CPEB1: variants seen among roughly 807,000 people sequenced by gnomAD.
CPEB1 encodes cytoplasmic polyadenylation element-binding protein 1.
A neutral mutation model predicts 65.8 loss-of-function variants in CPEB1; 7 were observed. That is an observed-to-expected ratio of 0.11 (90% confidence interval 0.06 to 0.20). The LOEUF is 0.20. Among genes scored for constraint, CPEB1 ranks in the 10% least tolerant of loss-of-function variants. The probability of loss-of-function intolerance (pLI) is 1.00; values close to 1 mark genes in which losing one functional copy is unlikely to be tolerated. For missense variants in CPEB1, 551 were observed against 712.2 expected (o/e 0.77, Z 2.58); for synonymous variants, 262 against 260.0 (o/e 1.01, Z -0.08).
chr15:82,586,242 AC>A (rs1491221343), intron 3 of CPEB1, among the ~76,000 whole-genome samples: 1 of 148,728 alleles, frequency 6.7e-6, no homozygotes. Context: ...TTTTTCAGAT[AC>A]AAAAAAAAAA....
intron 3 of CPEB1, among the ~76,000 whole-genome samples, chr15:82,614,443 G>A (rs1277623228): frequency 6.6e-6 from 1 of 152,074 alleles, no homozygotes; most frequent in Non-Finnish European, 1.5e-5. Flanking sequence ...ACTAGTCCAA[G>A]AATTAAACAA....
chr15:82,595,637 A>G (rs748451106), intron 3 of CPEB1, among the ~76,000 whole-genome samples: 33 of 152,260 alleles, frequency 2.2e-4, no homozygotes, highest in Non-Finnish European at 3.7e-4. Context: ...AATGCTAGAC[A>G]ATCAGCTCAA....
chr15:82,591,061 TTG>T (rs2042213938), intron 3 of CPEB1, among the ~76,000 whole-genome samples: 2 of 152,360 alleles, frequency 1.3e-5, no homozygotes, highest in African/African-American at 4.8e-5. Context: ...TGAATGGAAG[TTG>T]TGTTTTTAGC....
intron 3 of CPEB1, among the ~76,000 whole-genome samples, chr15:82,607,162 A>ATATCTTATCT (rs143880675): frequency 6.6e-6 from 1 of 151,400 alleles, no homozygotes; most frequent in African/African-American, 2.4e-5. Flanking sequence ...TGGCAGGTGT[A>ATATCTTATCT]TATCTTATCA....
At chr15:82,630,200 T>A in intron 1 of CPEB1, 1 of 571,886 alleles carries the variant, frequency 1.7e-6, no homozygotes, top group Non-Finnish European at 2.2e-6. Context: ...GCCTCCTGAG[T>A]AGCTGAGACT....
chr15:82,603,528 C>A (rs2043295470), intron 3 of CPEB1, among the ~76,000 whole-genome samples: 1 of 115,308 alleles, frequency 8.7e-6, no homozygotes, highest in Non-Finnish European at 1.7e-5. Flanking sequence ...GGCTAACCTG[C>A]ATGCTTGAAA....
intron 3 of CPEB1, among the ~76,000 whole-genome samples, chr15:82,615,987 A>G (rs960097460): frequency 6.6e-6 from 1 of 152,260 alleles, no homozygotes; most frequent in Non-Finnish European, 1.5e-5. Flanking sequence ...AATATTGTAT[A>G]TATTTATGTA....
At position 82,554,252 on chromosome 15, in the gene CPEB1, A is replaced by AT. The variant is rs1333752128; in HGVS notation, c.941-262dup. Among the ~76,000 whole-genome samples the AT allele has an allele frequency of 2.6e-5, 4 of 152,150 alleles. No homozygotes were observed. The East Asian group carries it at 7.7e-4, about 29-fold the overall frequency. ...ACCAAACCAGATGTGTAGGGTAAAA[A>AT]TTTACACCCCATGTTATTTTCAAAC... On this transcript the variant is annotated intron_variant, in intron 6 of 12. Transcript: ENST00000684509.
At chr15:82,614,617 G>T (rs1283882377) in intron 3 of CPEB1, among the ~76,000 whole-genome samples, 5 of 152,008 alleles carry the variant, frequency 3.3e-5, no homozygotes. Flanking sequence ...GCCTTTTTCA[G>T]CTTAGGCACC....
In CPEB1 at chr15:82,548,547, G is replaced by C. The variant is rs56144034; in HGVS notation, c.1480+913C>G. 2,533 of 310,662 alleles carry C rather than the reference G, an allele frequency of 8.2e-3. 21 individuals carry two copies. The highest frequency in any genetic ancestry group is 8.0e-3 in the Non-Finnish European group (1,226 of 153,830). 19.2% of individuals were successfully genotyped at this position (310,662 alleles called of 1,614,324 possible). A position where few individuals can be genotyped will look rare whatever the true frequency, so the allele number is the denominator to read the frequency against. On this transcript the variant is annotated intron_variant, in intron 10 of 12. Transcript: ENST00000684509. ...GAAGGAAAGATAAGGGACTCCTTCA[G>C]TGCAGGTAGAGCATAGGTTAAGGTT...
intron 3 of CPEB1, among the ~76,000 whole-genome samples, chr15:82,608,562 T>C (rs2043843510): frequency 6.6e-6 from 1 of 152,204 alleles, no homozygotes; most frequent in Non-Finnish European, 1.5e-5. Flanking sequence ...ACAAAGAATG[T>C]TGTTCTTACC....
chr15:82,633,218 A>T (rs2046400506), intron 1 of CPEB1: 1 of 152,250 alleles, frequency 6.6e-6, no homozygotes, highest in Admixed American at 6.5e-5. Context: ...ATTACTTGGC[A>T]ATGCTGTAAA....
chr15:82,543,469 A>ATTT lies in CPEB1; in HGVS notation c.*1122_*1123insAAA, dbSNP rs1567159577. 2.8e-4 allele frequency: 42 copies of ATTT among 150,814 alleles called. No homozygotes were observed. The highest frequency in any genetic ancestry group is 9.3e-4 in the African/African-American group (38 of 40,984). The allele number at this position is 150,814 out of a possible 1,614,324, so 9.3% of individuals were successfully genotyped here. A position where few individuals can be genotyped will look rare whatever the true frequency, so the allele number is the denominator to read the frequency against. On this transcript the variant is annotated 3_prime_UTR_variant, in exon 13 of 13. Transcript: ENST00000684509. ...GGTTTTTTGTTTCTTTTTAAAAAAA[A>ATTT]AAAAAAAAAAAAAAAGGAAAGAAAA... is the stretch of plus-strand genomic sequence containing the variant.
intron 9 of CPEB1, among the ~76,000 whole-genome samples, chr15:82,551,629 T>C (rs2036270107): frequency 6.6e-6 from 1 of 151,998 alleles, no homozygotes; most frequent in African/African-American, 2.4e-5. Context: ...GTTTCCCATC[T>C]TATAGAAGAG....
chr15:82,608,456 C>T (rs913302626), intron 3 of CPEB1, among the ~76,000 whole-genome samples: 11 of 152,174 alleles, frequency 7.2e-5, no homozygotes, highest in Non-Finnish European at 1.3e-4. Context: ...CAGTGGCTTC[C>T]AGGCTGCTAA....
At chr15:82,607,144 CAG>C (rs1171747722) in intron 3 of CPEB1, among the ~76,000 whole-genome samples, 4 of 143,484 alleles carry the variant, frequency 2.8e-5, no homozygotes, top group East Asian at 4.1e-4. Context: ...GGAAAACAAA[CAG>C]AAAAATGGCA....
At chr15:82,551,773 T>C (rs1046973110) in intron 9 of CPEB1, among the ~76,000 whole-genome samples, 1 of 152,192 alleles carries the variant, frequency 6.6e-6, no homozygotes, top group Non-Finnish European at 1.5e-5. Context: ...TCTCAAACAC[T>C]ACCCACTAGA....
chr15:82,578,931 C>A (rs1046209439), intron 3 of CPEB1, among the ~76,000 whole-genome samples: 2 of 152,184 alleles, frequency 1.3e-5, no homozygotes, highest in African/African-American at 4.8e-5. Flanking sequence ...TCAGAAAATT[C>A]TCCTGCTCCA....
rs142177128 is a variant in CPEB1, at chr15:82,642,045, T to C, written c.-98+5092A>G. Among the ~76,000 whole-genome samples, 249 of 152,358 alleles carry C rather than the reference T, an allele frequency of 1.6e-3. 2 individuals carry two copies. Among genetic ancestry groups the C allele is most frequent in the Non-Finnish European group, 3.0e-3 (201 of 68,038 alleles). ...TATGAAAATATGAAATATTACATCA[T>C]ACATGTTTTAGTTCAATCTTTTTCA... On this transcript the variant is annotated intron_variant, in intron 1 of 12. Transcript: ENST00000684509.
Sources: gnomAD v4.1 joint callset for allele counts (sites outside exome capture counted in the v4.1 genomes callset) on GRCh38, gnomAD v4.1.1 for gene constraint, MANE v1.5 for transcripts, NCBI Gene and HGNC (gene_info 2026-07-23, HGNC 2026-07-21) for gene names.